Variants in CDH13 observed in about 807,000 individuals in gnomAD.
CDH13 encodes cadherin 13.
A neutral mutation model predicts 63.8 loss-of-function variants in CDH13; 24 were observed. The ratio of observed to expected loss-of-function variants is 0.38; its 90% CI spans 0.27 to 0.53. The LOEUF is 0.53. Among genes scored for constraint, CDH13 ranks in the 20% least tolerant of loss-of-function variants. CDH13 has a pLI of 0.85. For synonymous variants in CDH13, 503 were observed against 355.3 expected (o/e 1.42, Z -4.67); for missense variants, 1,049 against 903.1 (o/e 1.16, Z -2.07).
chr16:83,733,874 C>A (rs549050021), intron 10 of CDH13, among the ~76,000 whole-genome samples: 2 of 152,202 alleles, frequency 1.3e-5, no homozygotes, highest in Admixed American at 1.3e-4. Context: ...AAAAGTGGAA[C>A]GTGACCTGCA....
chr16:82,632,549 AGT>A (rs1364606009), intron 1 of CDH13, among the ~76,000 whole-genome samples: 2 of 152,128 alleles, frequency 1.3e-5, no homozygotes, highest in Non-Finnish European at 2.9e-5. Context: ...CTGGCACACC[AGT>A]GTGTTGGTAC....
At chr16:83,226,944 A>G (rs913070367) in intron 5 of CDH13, among the ~76,000 whole-genome samples, 3 of 152,226 alleles carry the variant, frequency 2.0e-5, no homozygotes, top group Admixed American at 2.0e-4. Context: ...TTTGGTAAAA[A>G]TGAGAAGGGA....
chr16:83,217,322 T>C (rs1243436317), intron 4 of CDH13, 23 bp from the exon 5 acceptor site: 1 of 1,613,340 alleles, frequency 6.2e-7, no homozygotes, highest in East Asian at 2.2e-5. Flanking sequence ...CAGTTTTAAA[T>C]GTCTCTCTGT....
rs969909440 is a variant in CDH13 at position 82,725,406 on chromosome 16, T to C, written c.45+98269T>C. Among the ~76,000 whole-genome samples, 6 of 152,144 alleles carry C rather than the reference T, an allele frequency of 3.9e-5. No homozygotes were observed. The East Asian group carries it at 1.2e-3, about 29-fold the overall frequency. On this transcript the variant is annotated intron_variant, in intron 1 of 13. Transcript: ENST00000567109. ...GGTTCTGGAGCTGGACTGTCTGGCT[T>C]ACAAGCTAGCTCCACCACTTAGCAG...
At chr16:83,674,825 A>G (rs1792862527) in intron 9 of CDH13, among the ~76,000 whole-genome samples, 1 of 152,252 alleles carries the variant, frequency 6.6e-6, no homozygotes, top group South Asian at 2.1e-4. Context: ...CCAGAAAGTT[A>G]TTCTTTCAGC....
chr16:83,439,578 C>T (rs2151493301), intron 6 of CDH13, among the ~76,000 whole-genome samples: 1 of 152,310 alleles, frequency 6.6e-6, no homozygotes, highest in South Asian at 2.1e-4. Context: ...GGTGAGGCTA[C>T]AGCCGTAATT....
chr16:82,814,249 G>T (rs541439381), intron 1 of CDH13, among the ~76,000 whole-genome samples: 3 of 152,210 alleles, frequency 2.0e-5, no homozygotes, highest in South Asian at 4.2e-4. Flanking sequence ...ACAGAGCTCC[G>T]AAATCCCTTG....
chr16:82,717,570 C>T (rs116431293), intron 1 of CDH13, among the ~76,000 whole-genome samples: 1,644 of 152,082 alleles, frequency 0.011, 35 homozygotes, highest in African/African-American at 0.038. Context: ...TCTTTTAGAT[C>T]CTGGTGGTTC....
At chr16:83,465,930 C>A (rs933371521) in intron 6 of CDH13, among the ~76,000 whole-genome samples, 5 of 152,222 alleles carry the variant, frequency 3.3e-5, no homozygotes, top group African/African-American at 4.8e-5. Context: ...ACAGACACTG[C>A]AAGTTGAAAG....
chr16:82,890,366 C>T (rs1033257371), intron 2 of CDH13, among the ~76,000 whole-genome samples: 14 of 152,162 alleles, frequency 9.2e-5, no homozygotes, highest in Non-Finnish European at 1.6e-4. Flanking sequence ...TCACTCACCA[C>T]CATCTCCAGC....
intron 1 of CDH13, among the ~76,000 whole-genome samples, chr16:82,633,091 C>G (rs1043863840): frequency 6.6e-6 from 1 of 152,186 alleles, no homozygotes; most frequent in Non-Finnish European, 1.5e-5. Flanking sequence ...GGGCCACTCA[C>G]CTCCTGCTGT....
chr16:83,371,228 C>T (rs1316334813), intron 6 of CDH13, among the ~76,000 whole-genome samples: 1 of 152,204 alleles, frequency 6.6e-6, no homozygotes, highest in Non-Finnish European at 1.5e-5. Flanking sequence ...GATGCCTGTA[C>T]TTTTAATTCT....
At chr16:83,322,225 C>T (rs531451737) in intron 5 of CDH13, among the ~76,000 whole-genome samples, 29 of 152,218 alleles carry the variant, frequency 1.9e-4, no homozygotes, top group African/African-American at 6.0e-4. Flanking sequence ...TTGGTGTTGC[C>T]GGCTGGTGTC....
chr16:83,206,230 A>T (rs1023988176), intron 4 of CDH13, among the ~76,000 whole-genome samples: 1 of 152,192 alleles, frequency 6.6e-6, no homozygotes, highest in African/African-American at 2.4e-5. Context: ...ACAAGTACTG[A>T]TTGCCTACGA....
At chr16:83,633,035 A>G (rs1183382181) in intron 8 of CDH13, among the ~76,000 whole-genome samples, 1 of 152,162 alleles carries the variant, frequency 6.6e-6, no homozygotes, top group Non-Finnish European at 1.5e-5. Flanking sequence ...TTAGCATATA[A>G]TGAGCAGTGA....
At chr16:83,128,087 A>G (rs929962621) in intron 4 of CDH13, among the ~76,000 whole-genome samples, 3 of 152,190 alleles carry the variant, frequency 2.0e-5, no homozygotes, top group African/African-American at 7.2e-5. Flanking sequence ...TCTTTTAGAT[A>G]ATCCTGGGCT....
At chr16:83,154,245 C>T (rs1467674136) in intron 4 of CDH13, among the ~76,000 whole-genome samples, 1 of 152,026 alleles carries the variant, frequency 6.6e-6, no homozygotes, top group East Asian at 1.9e-4. Context: ...CTGCAATGAA[C>T]CTGTCACATG....
chr16:83,248,778 C>T lies in CDH13; in HGVS notation c.636+31281C>T, dbSNP rs139701310. Among the ~76,000 whole-genome samples, 665 of 152,262 alleles carry T rather than the reference C, an allele frequency of 4.4e-3. 11 individuals carry two copies. The highest frequency in any genetic ancestry group is 0.015 in the African/African-American group (634 of 41,562). ...GTTCCCTCACAATCTTAACCACACC[C>T]GTAGCTTCACCCATCACTTTCTGCA... is the stretch of plus-strand genomic sequence containing the variant. On this transcript the variant is annotated intron_variant, in intron 5 of 13. Coordinates refer to ENST00000567109, the MANE Select transcript of CDH13 (RefSeq NM_001257.5).
intron 2 of CDH13, among the ~76,000 whole-genome samples, chr16:82,917,863 C>T (rs887880687): frequency 1.4e-5 from 2 of 141,416 alleles, no homozygotes; most frequent in South Asian, 2.2e-4. Context: ...TGCAGTGAGC[C>T]GAGATCTCAC....
Sources: allele counts gnomAD v4.1 joint callset (sites outside exome capture counted in the v4.1 genomes callset), GRCh38; gene constraint gnomAD v4.1.1; transcripts MANE v1.5; gene names NCBI Gene and HGNC (gene_info 2026-07-23, HGNC 2026-07-21).